APOBEC3B: variants seen among roughly 807,000 people sequenced by gnomAD.
APOBEC3B encodes the protein DNA dC->dU-editing enzyme APOBEC-3B.
In APOBEC3B, 29 loss-of-function variants were observed where a neutral mutation model predicts 53.4. That is an observed-to-expected ratio of 0.54 (90% CI 0.40 to 0.74). The LOEUF is 0.74. APOBEC3B is among the 30% of genes least tolerant of loss of function. The pLI is 0.00. For synonymous variants in APOBEC3B, 132 were observed against 184.8 expected (o/e 0.71, Z 2.32); for missense variants, 347 against 496.2 (o/e 0.70, Z 2.86).
At chr22:38,989,347 G>A (rs940689173) in intron 4 of APOBEC3B, 110 bp from the exon 5 acceptor site, 1 of 1,057,448 alleles carries the variant, frequency 9.5e-7, no homozygotes, top group Non-Finnish European at 1.3e-6. Context: ...CCTCTGACAG[G>A]TGCCTCAGTA....
At chr22:38,990,134 C>A (rs7292794) in intron 5 of APOBEC3B, among the ~76,000 whole-genome samples, 1,791 of 73,754 alleles carry the variant, frequency 0.024, 97 homozygotes, top group African/African-American at 0.092. Context: ...TGGCCAGGAG[C>A]CCTGAGCCCA....
chr22:38,985,614 C>T (rs2146288779), intron 2 of APOBEC3B, among the ~76,000 whole-genome samples, 198 bp from the exon 3 acceptor site: 1 of 148,226 alleles, frequency 6.7e-6, no homozygotes, highest in Non-Finnish European at 1.5e-5. Flanking sequence ...CCTCTTAAGG[C>T]CATTACAATA....
chr22:38,992,132 C>T lies in APOBEC3B; in HGVS notation c.1117C>T (p.Leu373=), dbSNP rs147717094. The T allele has an allele frequency of 4.0e-5, 64 of 1,592,744 alleles. 2 individuals are homozygous for T. The African/African-American group carries it at 8.1e-4, about 20-fold the overall frequency. Residue 373 remains leucine, a synonymous_variant, in exon 7 of 8, where the codon CTG becomes TTG. Coordinates refer to ENST00000333467, the MANE Select transcript of APOBEC3B (RefSeq NM_004900.5). ...EEHSQALSGR[L]RAILQNQGN Reference sequence around the variant, plus strand: ...GCACAGCCAAGCCCTGAGTGGGAGGCTGCGGGCCATTCTCCAGGTGAGGGC... The same window carrying T: ...GCACAGCCAAGCCCTGAGTGGGAGGTTGCGGGCCATTCTCCAGGTGAGGGC...
Position 38,986,045 on chromosome 22 carries a change from C to G in APOBEC3B, c.408C>G (p.Cys136Trp). Reference sequence around the variant, plus strand: ...AAAGAGATTACCGAAGGGCGCTCTGCAGGCTGAGTCAGGCAGGAGCCCGCG... The same window carrying G: ...AAAGAGATTACCGAAGGGCGCTCTGGAGGCTGAGTCAGGCAGGAGCCCGCG... ...YWERDYRRALCRLSQAGARVT... is the reference protein window; with the variant it reads ...YWERDYRRALWRLSQAGARVT... The change falls in exon 3 of 8, where the codon TGC (cysteine) becomes TGG (tryptophan). Residue 136 changes from cysteine (C) to tryptophan (W), a missense_variant. By Grantham distance (215) the Cys-to-Trp change is radical. Coordinates refer to ENST00000333467, the MANE Select transcript of APOBEC3B (RefSeq NM_004900.5). 6.3e-7 allele frequency: 1 copy of G among 1,592,710 alleles called. No individual in the cohort carries two copies. Among genetic ancestry groups the G allele is most frequent in the Non-Finnish European group, 8.5e-7 (1 of 1,172,562 alleles).
In APOBEC3B at chr22:38,989,556, G is replaced by C; in HGVS notation, c.669G>C (p.Leu223=). Residue 223 remains leucine, a synonymous_variant, in exon 5 of 8, where the codon CTG becomes CTC. Coordinates refer to ENST00000333467, the MANE Select transcript of APOBEC3B (RefSeq NM_004900.5). ...QTYLCYEVER[L]DNGTWVLMDQ... ...ACTTGTGCTATGAGGTGGAGCGCCT[G>C]GACAATGGCACCTGGGTCCTGATGG... 2 of 1,589,282 alleles carry C rather than the reference G, an allele frequency of 1.3e-6. No homozygotes were observed. Among genetic ancestry groups the C allele is most frequent in the Non-Finnish European group, 1.7e-6 (2 of 1,169,702 alleles).
rs144471703 is a variant in APOBEC3B, at chr22:38,991,532, C to T, written c.924C>T (p.Phe308=). ...ACACACACGTGAGACTGCGCATCTT[C>T]GCTGCCCGCATCTATGATTACGACC... ...QENTHVRLRI[F]AARIYDYDPL... is the part of the protein sequence containing the mutation. Residue 308 remains phenylalanine, a synonymous_variant, in exon 6 of 8, where the codon TTC becomes TTT. Transcript: ENST00000333467. 1 of 1,593,896 alleles carries T rather than the reference C, an allele frequency of 6.3e-7. No homozygotes were observed. Among genetic ancestry groups the T allele is most frequent in the South Asian group, 1.1e-5 (1 of 88,808 alleles).
intron 4 of APOBEC3B, among the ~76,000 whole-genome samples, chr22:38,988,711 T>C (rs55698105): frequency 0.23 from 25,051 of 109,044 alleles, 5,240 homozygotes; most frequent in South Asian, 0.3. Context: ...CTTTCTTTCT[T>C]TCTTTCTTTC....
In APOBEC3B at chr22:38,989,428, C is replaced by T. The variant is rs769830530; in HGVS notation, c.570-29C>T. On this transcript the variant is annotated intron_variant, in intron 4 of 7. Transcript: ENST00000333467. ...GGTAGTCCCAGGAGGAGTCTTAGGG[C>T]TTTTGGTTTCCCCTGTCTTTGTCCA... 3.8e-5 allele frequency: 59 copies of T among 1,541,990 alleles called. 3 individuals are homozygous for T. The highest frequency in any genetic ancestry group is 5.1e-5 in the Non-Finnish European group (58 of 1,137,086).
intron 2 of APOBEC3B, 27 bp downstream of exon 2, chr22:38,984,258 C>T (rs747684048): frequency 4.4e-6 from 7 of 1,585,664 alleles, no homozygotes; most frequent in Non-Finnish European, 6.0e-6. Flanking sequence ...AATCGAATCA[C>T]AGGCAGTGTT....
At chr22:38,988,846 G>A (rs1457814526) in intron 4 of APOBEC3B, among the ~76,000 whole-genome samples, 1 of 146,078 alleles carries the variant, frequency 6.8e-6, no homozygotes, top group East Asian at 2.4e-4. Flanking sequence ...GGCCGGGAGA[G>A]GCCTTCAAGG....
At chr22:38,987,514 G>A (rs1418066401) in intron 4 of APOBEC3B, among the ~76,000 whole-genome samples, 1 of 148,772 alleles carries the variant, frequency 6.7e-6, no homozygotes, top group African/African-American at 2.4e-5. Context: ...CTGGAACTGG[G>A]AGAATTGAAC....
At chr22:38,986,536 C>T in intron 4 of APOBEC3B, 124 bp downstream of exon 4, 1 of 1,169,106 alleles carries the variant, frequency 8.6e-7, no homozygotes, top group South Asian at 1.5e-5. Flanking sequence ...GGTCACACCA[C>T]CTTCCCTTAA....
In APOBEC3B at chr22:38,984,296, A is replaced by G. The variant is rs1923649480; in HGVS notation, c.174+65A>G. ...AGGAATTAGAGGACTGGAGAGACTG[A>G]TATGGGTGAGACAGGAGGATTTATT... On this transcript the variant is annotated intron_variant, in intron 2 of 7. Transcript: ENST00000333467. 8 of 1,529,080 alleles carry G rather than the reference A, an allele frequency of 5.2e-6. No individual in the cohort carries two copies. The South Asian group carries it at 9.8e-5, about 19-fold the overall frequency. 94.7% of individuals were successfully genotyped at this position (1,529,080 alleles called of 1,614,324 possible). A position where few individuals can be genotyped will look rare whatever the true frequency, so the allele number is the denominator to read the frequency against.
In APOBEC3B at chr22:38,986,744, C is replaced by T. The variant is rs1051153608; in HGVS notation, c.569+332C>T. Among the ~76,000 whole-genome samples the T allele has an allele frequency of 3.4e-5, 5 of 149,012 alleles. 1 individual carries two copies. The highest frequency in any genetic ancestry group is 1.4e-4 in the Admixed American group (2 of 14,578). ...GGCAAGAGCTCAGCCTTCCAGGGAA[C>T]AACTCTGGGCAGGAGATGTGGAAGG... On this transcript the variant is annotated intron_variant, in intron 4 of 7. Transcript: ENST00000333467.
chr22:38,986,421 C>A lies in APOBEC3B; in HGVS notation c.569+9C>A. 1 of 1,591,380 alleles carries A rather than the reference C, an allele frequency of 6.3e-7. No homozygotes were observed. Among genetic ancestry groups the A allele is most frequent in the Non-Finnish European group, 8.5e-7 (1 of 1,171,094 alleles). On this transcript the variant is annotated intron_variant, in intron 4 of 7. Coordinates refer to ENST00000333467, the MANE Select transcript of APOBEC3B (RefSeq NM_004900.5). Reference sequence around the variant, plus strand: ...CTAAAGGAGATTCTCAGGTGAGGGTCTCCCTCTGGCCTCATCATCTCTCTC... The same window carrying A: ...CTAAAGGAGATTCTCAGGTGAGGGTATCCCTCTGGCCTCATCATCTCTCTC...
At chr22:38,988,719 T>TTCTCTCTTTCTCTCTTTC (rs1555894393) in intron 4 of APOBEC3B, among the ~76,000 whole-genome samples, 1 of 113,868 alleles carries the variant, frequency 8.8e-6, no homozygotes, top group Non-Finnish European at 1.8e-5. Flanking sequence ...CTTTCTTTCT[T>TTCTCTCTTTCTCTCTTTC]TCTTTCTTTC....
In APOBEC3B at chr22:38,987,292, T is replaced by C. The variant is rs1197416055; in HGVS notation, c.569+880T>C. On this transcript the variant is annotated intron_variant, in intron 4 of 7. Coordinates refer to ENST00000333467, the MANE Select transcript of APOBEC3B (RefSeq NM_004900.5). ...CTGTCCCAGCCCCAGCCCTGGGCTC[T>C]CTCCCCTCCTGTTCCTCTGCCACCC... Among the ~76,000 whole-genome samples, 4 of 147,394 alleles carry C rather than the reference T, an allele frequency of 2.7e-5. 1 individual carries two copies. The East Asian group carries it at 7.0e-4, about 26-fold the overall frequency.
intron 7 of APOBEC3B, 108 bp from the exon 8 acceptor site, chr22:38,992,323 C>T (rs1188879768): frequency 8.5e-6 from 13 of 1,536,870 alleles, no homozygotes; most frequent in East Asian, 5.0e-5. Context: ...TCCCACCTCC[C>T]GCATCCCTCC....
At position 38,992,063 on chromosome 22, in the gene APOBEC3B, T is replaced by G. The variant is rs369627918; in HGVS notation, c.1048T>G (p.Tyr350Asp). The change falls in exon 7 of 8, where the codon TAC becomes GAC. Residue 350 changes from tyrosine to aspartate, a missense_variant. This residue lies in a region of APOBEC3B where 78 missense variants were observed against 103.9 expected (regional missense o/e 0.75). Coordinates refer to ENST00000333467, the MANE Select transcript of APOBEC3B (RefSeq NM_004900.5). ...TGAGTACTGCTGGGACACCTTTGTG[T>G]ACCGCCAGGGATGTCCCTTCCAGCC... ...EFEYCWDTFVYRQGCPFQPWD... is the reference protein window; with the variant it reads ...EFEYCWDTFVDRQGCPFQPWD... 48 of 1,590,120 alleles carry G rather than the reference T, an allele frequency of 3.0e-5. 4 individuals carry two copies. Among genetic ancestry groups the G allele is most frequent in the South Asian group, 1.9e-4 (17 of 88,320 alleles).
Sources: allele counts gnomAD v4.1 joint callset (sites outside exome capture counted in the v4.1 genomes callset), GRCh38; gene constraint gnomAD v4.1.1; regional missense constraint gnomAD v4.1.1; transcripts MANE v1.5; gene names NCBI Gene and HGNC (gene_info 2026-07-23, HGNC 2026-07-21).